EBF1: variants seen among roughly 807,000 people sequenced by gnomAD.
The protein encoded by EBF1 is EBF transcription factor 1, also known as transcription factor COE1.
A neutral mutation model predicts 68.4 loss-of-function variants in EBF1; 10 were observed. The observed-to-expected ratio is 0.15, with a 90% CI of 0.09 to 0.25. The LOEUF (loss-of-function observed/expected upper bound fraction) is 0.25. Ranked by LOEUF, EBF1 falls within the 10% of genes least tolerant of loss-of-function variation. EBF1 has a pLI of 1.00. For synonymous variants in EBF1, 298 were observed against 299.8 expected (o/e 0.99, Z 0.06); for missense variants, 509 against 794.4 (o/e 0.64, Z 4.32).
intron 10 of EBF1, among the ~76,000 whole-genome samples, chr5:158,776,491 T>A (rs1383742450): frequency 1.3e-5 from 2 of 152,190 alleles, no homozygotes; most frequent in Non-Finnish European, 2.9e-5. Flanking sequence ...TGCTCTGTTA[T>A]CTCTTTGTGT....
rs1777351968 is a variant in EBF1, at chr5:159,069,024, A to G, written c.554+4372T>C. Among the ~76,000 whole-genome samples, 3 of 152,124 alleles carry G rather than the reference A, an allele frequency of 2.0e-5. No homozygotes were observed. In the South Asian group the frequency reaches 6.2e-4, roughly 31 times the overall value. ...AATTCTGTTAATATTACAATAAACA[A>G]ACTCAAAATTCTTACAGGTACATAA... On this transcript the variant is annotated intron_variant, in intron 6 of 15. Transcript: ENST00000313708.
At chr5:158,878,250 T>C (rs1798165172) in intron 6 of EBF1, among the ~76,000 whole-genome samples, 1 of 151,798 alleles carries the variant, frequency 6.6e-6, no homozygotes, top group South Asian at 2.1e-4. Context: ...AGGAAAAAAA[T>C]GTATATGAGC....
intron 4 of EBF1, among the ~76,000 whole-genome samples, chr5:159,085,086 G>A (rs1233887741): frequency 3.9e-5 from 6 of 152,160 alleles, no homozygotes; most frequent in South Asian, 4.1e-4. Context: ...ACTATTTAGC[G>A]AAAATACAGA....
chr5:158,765,813 G>A (rs1312974992), intron 10 of EBF1, among the ~76,000 whole-genome samples: 3 of 152,150 alleles, frequency 2.0e-5, no homozygotes, highest in African/African-American at 4.8e-5. Context: ...TGAGGTCCAT[G>A]TAAAAGGGTG....
At chr5:158,884,333 A>G (rs1375292797) in intron 6 of EBF1, among the ~76,000 whole-genome samples, 4 of 152,188 alleles carry the variant, frequency 2.6e-5, no homozygotes, top group Non-Finnish European at 5.9e-5. Context: ...ACTTGATTAT[A>G]CCCTCTTTTG....
intron 7 of EBF1, among the ~76,000 whole-genome samples, chr5:158,837,397 T>C (rs1458841086): frequency 1.3e-5 from 2 of 151,936 alleles, no homozygotes; most frequent in Non-Finnish European, 2.9e-5. Context: ...CTTGCATTTG[T>C]ATTTTATCAC....
intron 6 of EBF1, among the ~76,000 whole-genome samples, chr5:159,069,214 T>TG (rs1554128402): frequency 7.3e-5 from 11 of 149,804 alleles, no homozygotes; most frequent in Admixed American, 6.7e-4. Flanking sequence ...TTCTATCTAC[T>TG]AAAAAAAAAA....
rs1814450863 is a variant in EBF1, at chr5:158,945,480, A to G, written c.555-105370T>C. Among the ~76,000 whole-genome samples, 3 of 152,186 alleles carry G rather than the reference A, an allele frequency of 2.0e-5. No individual in the cohort carries two copies. In the South Asian group the frequency reaches 6.2e-4, roughly 31 times the overall value. ...TGAAATTCCGAGTTGAAAATTCTTTAAGAATGTTGAATATTGGCCCCCACT... is the reference window on the plus strand; with the variant it reads ...TGAAATTCCGAGTTGAAAATTCTTTGAGAATGTTGAATATTGGCCCCCACT... On this transcript the variant is annotated intron_variant, in intron 6 of 15. Coordinates refer to ENST00000313708, the MANE Select transcript of EBF1 (RefSeq NM_024007.5).
chr5:159,048,421 A>G (rs1443815115), intron 6 of EBF1, among the ~76,000 whole-genome samples: 2 of 152,132 alleles, frequency 1.3e-5, no homozygotes, highest in African/African-American at 4.8e-5. Flanking sequence ...CGGCATGCCA[A>G]CTCTGAAGCA....
chr5:158,947,695 T>C (rs780685159), intron 6 of EBF1, among the ~76,000 whole-genome samples: 7 of 152,216 alleles, frequency 4.6e-5, no homozygotes, highest in Non-Finnish European at 8.8e-5. Flanking sequence ...TGACAATCTA[T>C]AACTCTAGAT....
chr5:158,865,801 C>T (rs1795769812), intron 6 of EBF1, among the ~76,000 whole-genome samples: 1 of 152,162 alleles, frequency 6.6e-6, no homozygotes, highest in African/African-American at 2.4e-5. Context: ...CATCTAGGCT[C>T]CAATTACTGC....
chr5:158,963,852 A>T (rs1184150139), intron 6 of EBF1, among the ~76,000 whole-genome samples: 2 of 152,084 alleles, frequency 1.3e-5, no homozygotes, highest in Non-Finnish European at 2.9e-5. Flanking sequence ...ACATTTATTG[A>T]TTTCATTCTT....
At chr5:159,093,615 A>T (rs1434044657) in intron 4 of EBF1, among the ~76,000 whole-genome samples, 1 of 152,140 alleles carries the variant, frequency 6.6e-6, no homozygotes, top group Admixed American at 6.5e-5. Flanking sequence ...CTTGTTAGTA[A>T]AATGATATTT....
chr5:158,740,521 C>T (rs1404857979), intron 10 of EBF1, among the ~76,000 whole-genome samples: 4 of 152,174 alleles, frequency 2.6e-5, no homozygotes, highest in South Asian at 2.1e-4. Flanking sequence ...CCAAATCATC[C>T]ACTAATTCCA....
At chr5:158,801,667 T>TAAAA (rs11290189) in intron 8 of EBF1, among the ~76,000 whole-genome samples, 4 of 128,262 alleles carry the variant, frequency 3.1e-5, no homozygotes, top group Admixed American at 7.8e-5. Flanking sequence ...AGGGAAGAAT[T>TAAAA]AAAAAAAAAA....
At chr5:159,068,877 C>A (rs554867359) in intron 6 of EBF1, among the ~76,000 whole-genome samples, 3 of 152,162 alleles carry the variant, frequency 2.0e-5, no homozygotes, top group East Asian at 3.9e-4. Flanking sequence ...TAATTCCAAA[C>A]AGACTAGGTT....
In EBF1 at chr5:159,069,591, A is replaced by C. The variant is rs530408425; in HGVS notation, c.554+3805T>G. Among the ~76,000 whole-genome samples the C allele has an allele frequency of 2.6e-5, 4 of 152,284 alleles. No homozygotes were observed. The South Asian group carries it at 8.3e-4, about 32-fold the overall frequency. ...ATATGGAATAACAGTCTGCATACTT[A>C]ATATATTCAGTTCCGACATTTATTA... On this transcript the variant is annotated intron_variant, in intron 6 of 15. Coordinates refer to ENST00000313708, the MANE Select transcript of EBF1 (RefSeq NM_024007.5).
chr5:158,904,283 TGC>T (rs1804080764), intron 6 of EBF1, among the ~76,000 whole-genome samples: 1 of 152,190 alleles, frequency 6.6e-6, no homozygotes, highest in African/African-American at 2.4e-5. Context: ...AATGAGTTGA[TGC>T]ACCTGGAGCT....
At chr5:158,708,428 T>C (rs1758386803) in intron 14 of EBF1, among the ~76,000 whole-genome samples, 1 of 152,190 alleles carries the variant, frequency 6.6e-6, no homozygotes, top group Admixed American at 6.5e-5. Flanking sequence ...TGCTAGGCAC[T>C]AGGGTCATCA....
Sources: gnomAD v4.1 joint callset for allele counts (sites outside exome capture counted in the v4.1 genomes callset) on GRCh38, gnomAD v4.1.1 for gene constraint, MANE v1.5 for transcripts, NCBI Gene and HGNC (gene_info 2026-07-23, HGNC 2026-07-21) for gene names.